Variants in ESYT3 observed in about 807,000 individuals in gnomAD.
ESYT3 encodes extended synaptotagmin 3.
In ESYT3, 101 loss-of-function variants were observed where a neutral mutation model predicts 111.5. The ratio of observed to expected loss-of-function variants is 0.91; its 90% CI spans 0.77 to 1.07. The LOEUF (loss-of-function observed/expected upper bound fraction) is 1.07, where lower values mean the gene tolerates loss of function less well. ESYT3 is among the 50% of genes least tolerant of loss of function. The pLI is 0.00. For missense variants in ESYT3, 1,097 were observed against 1,109.4 expected (o/e 0.99, Z 0.16); for synonymous variants, 416 against 446.8 (o/e 0.93, Z 0.87).
intron 1 of ESYT3, among the ~76,000 whole-genome samples, chr3:138,445,833 G>A (rs2031502298): frequency 1.3e-5 from 2 of 152,184 alleles, no homozygotes; most frequent in African/African-American, 4.8e-5. Context: ...TACCCATCTC[G>A]CAGATGAGAA....
chr3:138,448,421 T>C (rs189747830), intron 1 of ESYT3, among the ~76,000 whole-genome samples: 74 of 151,930 alleles, frequency 4.9e-4, no homozygotes, highest in African/African-American at 1.5e-3. Context: ...AAAGTACATA[T>C]GAGGAGCTAG....
At chr3:138,473,984 T>C (rs1005148805) in intron 19 of ESYT3, among the ~76,000 whole-genome samples, 2 of 152,222 alleles carry the variant, frequency 1.3e-5, no homozygotes, top group African/African-American at 4.8e-5. Context: ...AAGATGCGTG[T>C]TATCAAAAAC....
chr3:138,468,544 C>T (rs2033051895), intron 12 of ESYT3, 111 bp from the exon 13 acceptor site: 2 of 1,077,474 alleles, frequency 1.9e-6, no homozygotes, highest in African/African-American at 1.5e-5. Flanking sequence ...GGCAGCTAGT[C>T]TGGAGTGTGA....
chr3:138,475,008 C>T (rs186770037), intron 20 of ESYT3, among the ~76,000 whole-genome samples: 7 of 152,318 alleles, frequency 4.6e-5, no homozygotes, highest in Admixed American at 4.6e-4. Context: ...TCATAATTTT[C>T]CTGGCCAATA....
chr3:138,473,582 G>C lies in ESYT3; in HGVS notation c.2284G>C (p.Val762Leu), dbSNP rs199603016. 170 of 1,613,970 alleles carry C rather than the reference G, an allele frequency of 1.1e-4. No homozygotes were observed. The African/African-American group carries it at 2.1e-3, about 20-fold the overall frequency. ...GCAGCTGGGTGAGATTCAGCTCACA[G>C]TGCGCTATGTGTGTCTGCGGCGCTG... The part of the protein sequence containing the change: ...RRQLGEIQLT[V>L]RYVCLRRCLS... Residue 762 changes from valine (V) to leucine (L), a missense_variant, in exon 19 of 23, where the codon GTG (valine) becomes CTG (leucine). Physicochemically the swap from Val to Leu is conservative, Grantham distance 32. Transcript: ENST00000389567.
At chr3:138,476,792 T>TAAGTC (rs1338570001) in intron 22 of ESYT3, 26 bp from the exon 23 acceptor site, 2 of 1,612,670 alleles carry the variant, frequency 1.2e-6, no homozygotes, top group African/African-American at 1.3e-5. Context: ...TTACTAACGT[T>TAAGTC]AAGTCCAAAC....
In ESYT3 at chr3:138,479,477, G is replaced by A. The variant is rs1017973901; in HGVS notation, c.*2623G>A. 18 of 152,192 alleles carry A rather than the reference G, an allele frequency of 1.2e-4. No homozygotes were observed. Among genetic ancestry groups the A allele is most frequent in the African/African-American group, 4.3e-4 (18 of 41,452 alleles). The allele number at this position is 152,192 out of a possible 1,614,324, so 9.4% of individuals were successfully genotyped here. On this transcript the variant is annotated 3_prime_UTR_variant, in exon 23 of 23. Coordinates refer to ENST00000389567, the MANE Select transcript of ESYT3 (RefSeq NM_031913.5). ...ATTCATTACCTCTCAGCTTCAAATT[G>A]ACGTCTGTCTCCTTTGCTGCTTTCC...
chr3:138,443,857 C>A (rs554731991), intron 1 of ESYT3, among the ~76,000 whole-genome samples: 1 of 152,044 alleles, frequency 6.6e-6, no homozygotes, highest in African/African-American at 2.4e-5. Context: ...TTAGTCCCTC[C>A]GCCTCCCAAG....
At chr3:138,464,211 T>A in intron 8 of ESYT3, 134 bp from the exon 9 acceptor site, 1 of 1,013,434 alleles carries the variant, frequency 9.9e-7, no homozygotes, top group Non-Finnish European at 1.4e-6. Flanking sequence ...CGTATCTGGC[T>A]TCTATCTCCT....
At chr3:138,458,084 A>G (rs2032396912) in intron 4 of ESYT3, among the ~76,000 whole-genome samples, 1 of 152,196 alleles carries the variant, frequency 6.6e-6, no homozygotes, top group South Asian at 2.1e-4. Context: ...AATGAGGTTC[A>G]TAATGGGTGT....
intron 20 of ESYT3, among the ~76,000 whole-genome samples, chr3:138,474,954 G>A (rs969476331): frequency 1.3e-5 from 2 of 152,072 alleles, no homozygotes; most frequent in Admixed American, 6.6e-5. Flanking sequence ...CTGCTTCAGG[G>A]TTCTAAAAAG....
intron 1 of ESYT3, among the ~76,000 whole-genome samples, 194 bp from the exon 2 acceptor site, chr3:138,451,854 G>C (rs1433964396): frequency 1.3e-5 from 2 of 152,276 alleles, no homozygotes; most frequent in African/African-American, 4.8e-5. Flanking sequence ...TTGAGGGCAG[G>C]ACCAGTTCCG....
chr3:138,468,261 G>C, intron 12 of ESYT3, 67 bp downstream of exon 12: 3 of 1,449,596 alleles, frequency 2.1e-6, no homozygotes, highest in Non-Finnish European at 2.9e-6. Flanking sequence ...GGTGTGTGCA[G>C]GTGGAGGAAG....
chr3:138,474,486 A>T (rs1164400804), intron 20 of ESYT3, 134 bp downstream of exon 20: 2 of 1,019,430 alleles, frequency 2.0e-6, no homozygotes, highest in Non-Finnish European at 2.7e-6. Flanking sequence ...CTATGACTTC[A>T]TGAAGCTTCT....
chr3:138,436,852 C>T (rs949732796), intron 1 of ESYT3, among the ~76,000 whole-genome samples: 3 of 152,222 alleles, frequency 2.0e-5, no homozygotes, highest in African/African-American at 7.2e-5. Context: ...CTTCTTTTCT[C>T]CCCTTCTGTA....
chr3:138,464,641 T>G, intron 9 of ESYT3, 126 bp downstream of exon 9: 1 of 1,038,980 alleles, frequency 9.6e-7, no homozygotes, highest in African/African-American at 1.6e-5. Flanking sequence ...CCTGCTCCTG[T>G]ATCTACCAGG....
chr3:138,440,895 G>A lies in ESYT3; in HGVS notation c.327+5770G>A, dbSNP rs1427252586. ...TGTGTCAGGCACAGAGCTGCAGGCG[G>A]GGCAGCATGAGTACACATGGCCCCT... On this transcript the variant is annotated intron_variant, in intron 1 of 22. Transcript: ENST00000389567. This position sits in a 1 kb window ranked among gnomAD's most constrained non-coding sequence, Gnocchi z 4.2. Among the ~76,000 whole-genome samples the A allele has an allele frequency of 6.6e-6, 1 of 152,220 alleles. No individual in the cohort carries two copies. The highest frequency in any genetic ancestry group is 1.5e-5 in the Non-Finnish European group (1 of 68,032).
chr3:138,441,358 C>G (rs923992436), intron 1 of ESYT3, among the ~76,000 whole-genome samples: 8 of 152,216 alleles, frequency 5.3e-5, no homozygotes, highest in African/African-American at 1.9e-4. Flanking sequence ...GGATGAGGAT[C>G]AGGGCCATGA....
intron 1 of ESYT3, among the ~76,000 whole-genome samples, chr3:138,450,440 C>G (rs1364691151): frequency 6.6e-6 from 1 of 152,202 alleles, no homozygotes; most frequent in East Asian, 1.9e-4. Flanking sequence ...CCGCATCGAT[C>G]TCTTCTATTT....
Sources: allele counts gnomAD v4.1 joint callset (sites outside exome capture counted in the v4.1 genomes callset), GRCh38; gene constraint gnomAD v4.1.1; non-coding constraint Gnocchi (gnomAD v3.1); transcripts MANE v1.5; gene names NCBI Gene and HGNC (gene_info 2026-07-23, HGNC 2026-07-21).